The following GCNT1 variants were observed in gnomAD, a reference collection of about 807,000 sequenced individuals.
GCNT1 encodes glucosaminyl (N-acetyl) transferase 1.
A neutral mutation model predicts 26.2 loss-of-function variants in GCNT1; 16 were observed. The observed-to-expected ratio is 0.61, with a 90% CI of 0.41 to 0.93. GCNT1 has a LOEUF of 0.93. Among genes scored for constraint, GCNT1 ranks in the 40% least tolerant of loss-of-function variants. GCNT1 has a pLI of 0.00. For synonymous variants in GCNT1, 183 were observed against 190.8 expected, an observed-to-expected ratio of 0.96 and a Z score of 0.34; for missense variants, 477 against 526.7, an observed-to-expected ratio of 0.91 and a Z score of 0.92.
intron 2 of GCNT1, among the ~76,000 whole-genome samples, chr9:76,487,338 C>T (rs1270405885): frequency 1.3e-5 from 2 of 152,076 alleles, no homozygotes; most frequent in African/African-American, 4.8e-5. Flanking sequence ...TATTTTGCTC[C>T]AGTCACAGCA....
the GCNT1 span, among the ~76,000 whole-genome samples, chr9:76,407,010 C>T: frequency 6.6e-6 from 1 of 152,202 alleles, no homozygotes; most frequent in African/African-American, 2.4e-5. Context: ...CATTGCACTT[C>T]AGCCTGGGCA....
At chr9:76,450,249 C>T (rs1823643271) in intron 1 of GCNT1, among the ~76,000 whole-genome samples, 1 of 152,118 alleles carries the variant, frequency 6.6e-6, no homozygotes, top group South Asian at 2.1e-4. Context: ...TTTGACTTTT[C>T]CTTTGAAATG....
chr9:76,495,778 T>C (rs1417023510), intron 2 of GCNT1, among the ~76,000 whole-genome samples: 1 of 152,222 alleles, frequency 6.6e-6, no homozygotes, highest in South Asian at 2.1e-4. Context: ...CAAGGTCATA[T>C]AGCAGAAGAA....
In GCNT1 at chr9:76,503,037, T is replaced by A. The variant is rs565929874; in HGVS notation, c.656T>A (p.Met219Lys). ...NWKYLINLCG[M>K]DFPIKTNLEI... ...AAGTACTTGATAAATCTTTGTGGTA[T>A]GGATTTTCCCATTAAAACCAACCTA... The change falls in exon 4 of 4, where the codon ATG becomes AAG. Residue 219 changes from methionine to lysine, a missense_variant. Physicochemically the swap from Met to Lys is moderately conservative, Grantham distance 95. Coordinates refer to ENST00000376730, the MANE Select transcript of GCNT1 (RefSeq NM_001490.5). 1.2e-6 allele frequency: 2 copies of A among 1,614,112 alleles called. No individual in the cohort carries two copies. Among genetic ancestry groups the A allele is most frequent in the Admixed American group, 3.3e-5 (2 of 60,016 alleles).
intron 2 of GCNT1, among the ~76,000 whole-genome samples, chr9:76,462,574 TTCCC>T (rs1823897630): frequency 6.6e-6 from 1 of 152,204 alleles, no homozygotes; most frequent in African/African-American, 2.4e-5. Context: ...TAGGCAAATG[TTCCC>T]CGGAGAACAA....
chr9:76,470,170 A>C (rs1419924021), intron 2 of GCNT1, among the ~76,000 whole-genome samples: 1 of 152,144 alleles, frequency 6.6e-6, no homozygotes, highest in Non-Finnish European at 1.5e-5. Context: ...CCATGTATAT[A>C]ATGTAAATAA....
chr9:76,439,382 G>A (rs373871697), upstream of GCNT1, among the ~76,000 whole-genome samples: 33 of 152,040 alleles, frequency 2.2e-4, no homozygotes, highest in South Asian at 6.4e-3. Flanking sequence ...GTGGCACCAC[G>A]CCAGGCTAAT....
chr9:76,460,702 T>A (rs962122600), intron 2 of GCNT1, among the ~76,000 whole-genome samples: 2 of 152,214 alleles, frequency 1.3e-5, no homozygotes, highest in African/African-American at 2.4e-5. Flanking sequence ...TTCTTAGAAA[T>A]GGCAAACTCC....
upstream of GCNT1, among the ~76,000 whole-genome samples, chr9:76,456,391 G>A (rs1197421663): frequency 6.6e-6 from 1 of 152,100 alleles, no homozygotes; most frequent in African/African-American, 2.4e-5. Flanking sequence ...CTCCTTTGAG[G>A]TCTGACTCCC....
chr9:76,459,887 C>G, intron 1 of GCNT1, among the ~76,000 whole-genome samples, 173 bp from the exon 2 acceptor site: 1 of 152,174 alleles, frequency 6.6e-6, no homozygotes, highest in East Asian at 1.9e-4. Context: ...CTAGGAAACT[C>G]GCGCGCAGGG....
intron 1 of GCNT1, among the ~76,000 whole-genome samples, chr9:76,452,493 G>A (rs1181383400): frequency 1.3e-5 from 2 of 152,136 alleles, no homozygotes; most frequent in Non-Finnish European, 2.9e-5. Flanking sequence ...TTGGCTCACA[G>A]TTCTGTACGC....
intron 2 of GCNT1, among the ~76,000 whole-genome samples, chr9:76,494,974 G>A (rs1432215494): frequency 6.6e-6 from 1 of 152,130 alleles, no homozygotes; most frequent in African/African-American, 2.4e-5. Flanking sequence ...CAAAGAGTTG[G>A]GGGTTGTTAG....
chr9:76,415,312 C>T (rs1823123442), upstream of GCNT1, among the ~76,000 whole-genome samples: 1 of 152,090 alleles, frequency 6.6e-6, no homozygotes, highest in Non-Finnish European at 1.5e-5. Flanking sequence ...TTGTCTCAGT[C>T]TTGGTAAGTA....
chr9:76,413,671 T>G, the GCNT1 span, among the ~76,000 whole-genome samples: 31 of 140,148 alleles, frequency 2.2e-4, no homozygotes, highest in African/African-American at 7.0e-4. Flanking sequence ...TTTTTTTGTT[T>G]TTTTTTTTTT....
chr9:76,403,648 C>G, the GCNT1 span, among the ~76,000 whole-genome samples: 9 of 152,298 alleles, frequency 5.9e-5, no homozygotes, highest in East Asian at 1.7e-3. Flanking sequence ...GCTTCATGTG[C>G]TTGGATCTGG....
chr9:76,481,241 AT>A (rs1219326724), intron 2 of GCNT1, among the ~76,000 whole-genome samples: 1 of 152,046 alleles, frequency 6.6e-6, no homozygotes, highest in Admixed American at 6.6e-5. Context: ...ATGGGATTAA[AT>A]GGTGAGTGGA....
At chr9:76,415,813 C>T (rs1823127650), upstream of GCNT1, among the ~76,000 whole-genome samples, 1 of 152,198 alleles carries the variant, frequency 6.6e-6, no homozygotes, top group Non-Finnish European at 1.5e-5. Context: ...AAACCCAAAA[C>T]CCTGAGACTT....
chr9:76,494,055 G>A (rs750959113), intron 2 of GCNT1, among the ~76,000 whole-genome samples: 3 of 151,966 alleles, frequency 2.0e-5, no homozygotes, highest in African/African-American at 7.2e-5. Context: ...AACCACCCGC[G>A]GTTTTGGTTT....
intron 1 of GCNT1, among the ~76,000 whole-genome samples, chr9:76,434,888 C>T (rs758377520): frequency 2.0e-5 from 3 of 152,086 alleles, no homozygotes; most frequent in Admixed American, 6.6e-5. Flanking sequence ...GACTGAAATA[C>T]GCCCCGTCTC....
Sources: gnomAD v4.1 joint callset for allele counts (sites outside exome capture counted in the v4.1 genomes callset) on GRCh38, gnomAD v4.1.1 for gene constraint, MANE v1.5 for transcripts, NCBI Gene and HGNC (gene_info 2026-07-23, HGNC 2026-07-21) for gene names.